TRRAP: variants seen among roughly 807,000 people sequenced by gnomAD.
TRRAP encodes transformation/transcription domain associated protein.
Under a neutral mutation model 438.8 loss-of-function variants are expected in TRRAP, and 41 were observed. That is an observed-to-expected ratio of 0.09 (90% confidence interval 0.07 to 0.12). TRRAP has a LOEUF of 0.12. Among genes scored for constraint, TRRAP ranks in the 10% least tolerant of loss-of-function variants. The pLI, the probability that TRRAP is intolerant of heterozygous loss-of-function variation, is 1.00. For missense variants in TRRAP, 3,122 were observed against 5,055.1 expected (o/e 0.62, Z 11.60); for synonymous variants, 1,994 against 1,962.9 (o/e 1.02, Z -0.42).
chr7:98,986,237 C>G (rs1793145927), intron 62 of TRRAP, among the ~76,000 whole-genome samples: 1 of 152,168 alleles, frequency 6.6e-6, no homozygotes, highest in Admixed American at 6.5e-5. Context: ...ATGAGTAATG[C>G]TGGTGTAAAC....
rs1309195015 is a variant in TRRAP, at chr7:98,971,906, C to T, written c.7800C>T (p.Asn2600=). ...DIGNQLHMLT[N]RHDKFLDTLR... is the part of the protein sequence containing the mutation. The stretch of plus-strand genomic sequence containing the variant: ...GAAACCAGCTGCACATGCTAACCAA[C>T]AGGCACGACAAGTTTCTGGACACTC... The change falls in exon 53 of 73, where the codon AAC becomes AAT. Residue 2600 remains asparagine, a synonymous_variant. Coordinates refer to ENST00000456197, the MANE Select transcript of TRRAP (RefSeq NM_001375524.1). 5 of 1,614,140 alleles carry T rather than the reference C, an allele frequency of 3.1e-6. No homozygotes were observed. In the African/African-American group the frequency reaches 6.7e-5, roughly 22 times the overall value.
chr7:98,916,142 G>T (rs1386031755), intron 19 of TRRAP, among the ~76,000 whole-genome samples: 1 of 151,314 alleles, frequency 6.6e-6, no homozygotes. Flanking sequence ...GGTGTTAGTT[G>T]TCCTGGCTAG....
Position 98,949,790 on chromosome 7 carries a change from C to G in TRRAP, c.5084C>G (p.Thr1695Ser), listed in dbSNP as rs782030638. 10 of 1,613,708 alleles carry G rather than the reference C, an allele frequency of 6.2e-6. No individual in the cohort carries two copies. Among genetic ancestry groups the G allele is most frequent in the Non-Finnish European group, 8.5e-6 (10 of 1,180,040 alleles). ...ERHRKENMAATNWKEPKLLAY... is the reference protein window; with the variant it reads ...ERHRKENMAASNWKEPKLLAY... ...CACCGCAAGGAGAACATGGCAGCCA[C>G]CAACTGGAAGGAGCCCAAGCTGCTG... is the stretch of plus-strand genomic sequence containing the variant. The change falls in exon 37 of 73, where the codon ACC becomes AGC. Residue 1695 changes from threonine (T) to serine (S), a missense_variant. Thr to Ser is a moderately conservative substitution (Grantham distance 58, BLOSUM62 1). Transcript: ENST00000456197.
chr7:98,933,696 A>C (rs1356267175), intron 27 of TRRAP, among the ~76,000 whole-genome samples: 2 of 152,214 alleles, frequency 1.3e-5, no homozygotes, highest in African/African-American at 4.8e-5. Flanking sequence ...TTAAAGATGA[A>C]GCTGCACCCA....
intron 18 of TRRAP, among the ~76,000 whole-genome samples, chr7:98,914,115 G>A (rs1554409211): frequency 6.6e-6 from 1 of 152,128 alleles, no homozygotes; most frequent in Non-Finnish European, 1.5e-5. Flanking sequence ...AGTCAGGCGT[G>A]GTAGCTTACA....
At position 98,911,263 on chromosome 7, in the gene TRRAP, G is replaced by A; in HGVS notation, c.1999G>A (p.Ala667Thr). ...GGTGGAGAGAATCTCAAAAAATTAT[G>A]CTCTTCAGGTATAAAACTCCTTTTT... ...YMVERISKNY[A>T]LQIVANSFLA... is the part of the protein sequence containing the mutation. Residue 667 changes from alanine (A) to threonine (T), a missense_variant, in exon 17 of 73, where the codon GCT (alanine) becomes ACT (threonine). Coordinates refer to ENST00000456197, the MANE Select transcript of TRRAP (RefSeq NM_001375524.1). 1 of 1,609,870 alleles carries A rather than the reference G, an allele frequency of 6.2e-7. No individual in the cohort carries two copies. The highest frequency in any genetic ancestry group is 8.5e-7 in the Non-Finnish European group (1 of 1,177,868).
intron 18 of TRRAP, 76 bp from the exon 19 acceptor site, chr7:98,915,647 G>T (rs1789488455): frequency 2.4e-5 from 37 of 1,511,200 alleles, no homozygotes; most frequent in Non-Finnish European, 3.0e-5. Flanking sequence ...TCGGATTACA[G>T]TGACACTTTA....
chr7:98,987,117 T>C lies in TRRAP; in HGVS notation c.9390-1648T>C, dbSNP rs539169812. Reference sequence around the variant, plus strand: ...CTGGACAATATAGTGGAGACCCCCATTTCCAAAACCCAAAAAACAAAAATC... The same window carrying C: ...CTGGACAATATAGTGGAGACCCCCACTTCCAAAACCCAAAAAACAAAAATC... On this transcript the variant is annotated intron_variant, in intron 62 of 72. Coordinates refer to ENST00000456197, the MANE Select transcript of TRRAP (RefSeq NM_001375524.1). Among the ~76,000 whole-genome samples, 4 of 152,298 alleles carry C rather than the reference T, an allele frequency of 2.6e-5. No individual in the cohort carries two copies. In the South Asian group the frequency reaches 8.3e-4, roughly 32 times the overall value.
At chr7:98,946,244 G>C (rs1312474476) in intron 33 of TRRAP, among the ~76,000 whole-genome samples, 1 of 150,844 alleles carries the variant, frequency 6.6e-6, no homozygotes, top group Admixed American at 6.7e-5. Flanking sequence ...ACCTCTATCT[G>C]AATACACATA....
At position 98,930,850 on chromosome 7, in the gene TRRAP, A is replaced by G. The variant is rs1554412693; in HGVS notation, c.3591+20A>G. 1 of 1,613,748 alleles carries G rather than the reference A, an allele frequency of 6.2e-7. No individual in the cohort carries two copies. The highest frequency in any genetic ancestry group is 1.1e-5 in the South Asian group (1 of 91,070). On this transcript the variant is annotated intron_variant, in intron 25 of 72. Transcript: ENST00000456197. ...GGAGAGGTAGGTGATGGGTGGCCCC[A>G]AACCTAACCATGCTGTTTTTGAAAT...
At position 98,976,854 on chromosome 7, in the gene TRRAP, C is replaced by T; in HGVS notation, c.8247+84C>T. The T allele has an allele frequency of 6.2e-7, 1 of 1,600,420 alleles. No individual in the cohort carries two copies. The highest frequency in any genetic ancestry group is 8.5e-7 in the Non-Finnish European group (1 of 1,172,120). Reference sequence around the variant, plus strand: ...AATAAATACTCCTCCCAAATGATTTCAAATGACAGCACAGTGAAACTATTT... The same window carrying T: ...AATAAATACTCCTCCCAAATGATTTTAAATGACAGCACAGTGAAACTATTT... On this transcript the variant is annotated intron_variant, in intron 55 of 72. Coordinates refer to ENST00000456197, the MANE Select transcript of TRRAP (RefSeq NM_001375524.1). The surrounding 1 kb of genome is among the most constrained non-coding windows in gnomAD (Gnocchi z 4.6).
intron 66 of TRRAP, 114 bp downstream of exon 66, chr7:98,993,851 G>A: frequency 1.9e-6 from 2 of 1,072,082 alleles, no homozygotes; most frequent in Non-Finnish European, 2.7e-6. Context: ...TTATATATTT[G>A]TTGTTGAACT....
At position 98,896,312 on chromosome 7, in the gene TRRAP, TCTC is replaced by T. The variant is rs373080443; in HGVS notation, c.507+496_507+498del. On this transcript the variant is annotated intron_variant, in intron 7 of 72. Coordinates refer to ENST00000456197, the MANE Select transcript of TRRAP (RefSeq NM_001375524.1). ...AGGTTTGTGGAGTAGAGGAGGAAAA[TCTC>T]CTCATCTCCTTCCTGCTTATTAGAA... 7.4e-4 allele frequency among the ~76,000 whole-genome samples: 112 copies of T among 152,068 alleles called. 1 individual carries two copies. In the East Asian group the frequency reaches 0.017, roughly 23 times the overall value.
chr7:98,950,816 C>CT, intron 38 of TRRAP, 60 bp from the exon 39 acceptor site: 1 of 1,464,612 alleles, frequency 6.8e-7, no homozygotes, highest in Non-Finnish European at 9.0e-7. Flanking sequence ...TTCTTCCCGT[C>CT]TTAAGAAACA....
Position 98,899,405 on chromosome 7 carries a change from C to T in TRRAP, c.634-17C>T. 2 of 1,613,604 alleles carry T rather than the reference C, an allele frequency of 1.2e-6. No individual in the cohort carries two copies. Among genetic ancestry groups the T allele is most frequent in the East Asian group, 4.5e-5 (2 of 44,880 alleles). The stretch of plus-strand genomic sequence containing the variant: ...GCCACAATGGTAACCCGGGTCCTAC[C>T]CATTTCTGTCTTCCAGCATTCCATC... On this transcript the variant is annotated splice_polypyrimidine_tract_variant and intron_variant, in intron 8 of 72. Transcript: ENST00000456197.
intron 47 of TRRAP, among the ~76,000 whole-genome samples, chr7:98,963,121 A>G (rs1005685413): frequency 3.9e-5 from 6 of 152,216 alleles, no homozygotes; most frequent in African/African-American, 1.2e-4. Context: ...AGTGATTATC[A>G]TATTCTATAC....
At position 98,931,612 on chromosome 7, in the gene TRRAP, T is replaced by G. The variant is rs1790326935; in HGVS notation, c.3799T>G (p.Leu1267Val). Residue 1267 changes from leucine to valine, a missense_variant, in exon 26 of 73, where the codon TTG becomes GTG. By Grantham distance (32) the Leu-to-Val change is conservative. Around this residue, in one of 24 missense-constraint regions of TRRAP, gnomAD observed 153 missense variants for 223.0 expected, o/e 0.69. Coordinates refer to ENST00000456197, the MANE Select transcript of TRRAP (RefSeq NM_001375524.1). ...GCAGGCCATGCATTCGCTGCAGGTG[T>G]TGGCCCAGGTCACTGGGAAGAGTGT... ...RKQAMHSLQVLAQVTGKSVTV... is the reference protein window; with the variant it reads ...RKQAMHSLQVVAQVTGKSVTV... 6.2e-7 allele frequency: 1 copy of G among 1,614,098 alleles called. No individual in the cohort carries two copies.
rs1402226623 is a variant in TRRAP, at chr7:98,988,834, C to T, written c.9459C>T (p.Ala3153=). The change falls in exon 63 of 73, where the codon GCC becomes GCT. Residue 3153 remains alanine (A), a synonymous_variant. Transcript: ENST00000456197. ...ACGATGTGCTGGTGAAAGCCTGGGC[C>T]ATGTGGGGCGACTACCTGGAGAACA... ...QMHDVLVKAW[A]MWGDYLENIF... The T allele has an allele frequency of 2.5e-6, 4 of 1,614,226 alleles. No homozygotes were observed. The African/African-American group carries it at 4.0e-5, about 16-fold the overall frequency.
intron 63 of TRRAP, 59 bp downstream of exon 63, chr7:98,989,025 G>T: frequency 3.2e-6 from 5 of 1,552,142 alleles, no homozygotes; most frequent in Non-Finnish European, 4.4e-6. Flanking sequence ...GATTTGGACA[G>T]AAATTTAGCT....
Sources: allele counts gnomAD v4.1 joint callset (sites outside exome capture counted in the v4.1 genomes callset), GRCh38; gene constraint gnomAD v4.1.1; regional missense constraint gnomAD v4.1.1; non-coding constraint Gnocchi (gnomAD v3.1); transcripts MANE v1.5; gene names NCBI Gene and HGNC (gene_info 2026-07-23, HGNC 2026-07-21).